The following RTCB variants were observed in gnomAD, a reference collection of about 807,000 sequenced individuals.
RTCB encodes the protein RNA 2',3'-cyclic phosphate and 5'-OH ligase, also known as RNA-splicing ligase RTCB.
A neutral mutation model predicts 58.2 loss-of-function variants in RTCB; 32 were observed. The observed-to-expected ratio is 0.55, with a 90% CI of 0.41 to 0.74. The LOEUF (loss-of-function observed/expected upper bound fraction) is 0.74, where lower values mean the gene tolerates loss of function less well. RTCB is among the 30% of genes least tolerant of loss of function. The probability of loss-of-function intolerance (pLI) is 0.00; values close to 1 mark genes in which losing one functional copy is unlikely to be tolerated. For missense variants in RTCB, 523 were observed against 639.0 expected (o/e 0.82, Z 1.96); for synonymous variants, 247 against 218.6 (o/e 1.13, Z -1.15).
At chr22:32,408,002 A>G in intron 3 of RTCB, 173 bp downstream of exon 3, 1 of 612,632 alleles carries the variant, frequency 1.6e-6, no homozygotes, top group Non-Finnish European at 2.9e-6. Context: ...CAATCCTTCC[A>G]TCTTGGTCTC....
At chr22:32,389,156 G>A (rs1379972709) in intron 11 of RTCB, among the ~76,000 whole-genome samples, 3 of 152,096 alleles carry the variant, frequency 2.0e-5, no homozygotes, top group Non-Finnish European at 2.9e-5. Flanking sequence ...ATCTGTGGGA[G>A]CCTGAATCAC....
intron 2 of RTCB, among the ~76,000 whole-genome samples, 178 bp from the exon 3 acceptor site, chr22:32,408,420 A>C (rs1055685671): frequency 3.3e-5 from 5 of 152,224 alleles, no homozygotes; most frequent in Admixed American, 1.3e-4. Context: ...AGTCACTGTA[A>C]GTATTGCATG....
At chr22:32,409,279 G>C (rs1364666634) in intron 1 of RTCB, among the ~76,000 whole-genome samples, 1 of 151,822 alleles carries the variant, frequency 6.6e-6, no homozygotes, top group Non-Finnish European at 1.5e-5. Flanking sequence ...TGTTTATTCT[G>C]TGTTTAAGCC....
chr22:32,388,191 C>T (rs1430039727), intron 11 of RTCB, 92 bp from the exon 12 acceptor site: 8 of 743,720 alleles, frequency 1.1e-5, no homozygotes, highest in Non-Finnish European at 1.8e-5. Context: ...TAAATGCACA[C>T]TAAAATAATA....
Position 32,406,761 on chromosome 22 carries a change from G to T in RTCB, c.241C>A (p.Arg81=), listed in dbSNP as rs748868456. Residue 81 remains arginine, a splice_region_variant and synonymous_variant, in exon 4 of 12, where the codon CGA becomes AGA. Transcript: ENST00000216038. ...TGGACATCAGGAAGCCCAATAGATC[G>T]CTGAAAAAGAATTAGAAAATGAAAT... is the stretch of plus-strand genomic sequence containing the variant. ...NVAALPGIVH[R]SIGLPDVHSG... is the part of the protein sequence containing the mutation. 1.9e-6 allele frequency: 3 copies of T among 1,604,330 alleles called. No homozygotes were observed. The highest frequency in any genetic ancestry group is 2.2e-5 in the South Asian group (2 of 90,894).
At position 32,395,112 on chromosome 22, in the gene RTCB, C is replaced by T. The variant is rs904446288; in HGVS notation, c.1093G>A (p.Gly365Arg). The T allele has an allele frequency of 6.2e-6, 10 of 1,614,040 alleles. No homozygotes were observed. In the African/African-American group the frequency reaches 6.7e-5, roughly 11 times the overall value. The change falls in exon 9 of 12, where the codon GGA becomes AGA. Residue 365 changes from glycine to arginine, a missense_variant. Coordinates refer to ENST00000216038, the MANE Select transcript of RTCB (RefSeq NM_014306.5). ...TGTACTAACAGTGTCCGTTCCTTTC[C>T]GTCCACCACATGCTGCTCCACTTTG... The part of the protein sequence containing the change: ...IAKVEQHVVD[G>R]KERTLLVHRK...
intron 9 of RTCB, among the ~76,000 whole-genome samples, chr22:32,394,314 T>C (rs1933206126): frequency 6.6e-6 from 1 of 152,072 alleles, no homozygotes; most frequent in African/African-American, 2.4e-5. Context: ...AGTTTCACCA[T>C]GTTAGCCAGG....
At chr22:32,411,773 T>G (rs1031772050) in intron 1 of RTCB, among the ~76,000 whole-genome samples, 1 of 152,310 alleles carries the variant, frequency 6.6e-6, no homozygotes, top group African/African-American at 2.4e-5. Flanking sequence ...GATACGTTTA[T>G]GAGACTGATC....
In RTCB at chr22:32,399,692, C is replaced by T. The variant is rs1413915231; in HGVS notation, c.565G>A (p.Asp189Asn). ...CCGTACTCCTCGCAGTGCTCCTTGT[C>T]TTCAGCCCAGGCATACCCTTCTCTT... ...SLREGYAWAEDKEHCEEYGRM... is the reference protein window; with the variant it reads ...SLREGYAWAENKEHCEEYGRM... Residue 189 changes from aspartate to asparagine, a missense_variant, in exon 6 of 12, where the codon GAC (aspartate) becomes AAC (asparagine). Coordinates refer to ENST00000216038, the MANE Select transcript of RTCB (RefSeq NM_014306.5). 1.2e-6 allele frequency: 2 copies of T among 1,614,110 alleles called. No homozygotes were observed. The highest frequency in any genetic ancestry group is 1.7e-6 in the Non-Finnish European group (2 of 1,180,000).
At chr22:32,406,057 T>C (rs1290939534) in intron 4 of RTCB, among the ~76,000 whole-genome samples, 5 of 152,182 alleles carry the variant, frequency 3.3e-5, no homozygotes, top group Non-Finnish European at 4.4e-5. Flanking sequence ...TTAGACGTGA[T>C]CTGTCCACGA....
intron 9 of RTCB, 30 bp downstream of exon 9, chr22:32,394,996 G>T: frequency 6.3e-7 from 1 of 1,578,770 alleles, no homozygotes; most frequent in South Asian, 1.1e-5. Context: ...TGCCCCCACT[G>T]CTTAAAACTA....
chr22:32,399,222 A>T (rs189293871), intron 6 of RTCB, among the ~76,000 whole-genome samples: 2 of 152,042 alleles, frequency 1.3e-5, no homozygotes, highest in African/African-American at 2.4e-5. Flanking sequence ...CTGCAGCCTC[A>T]AACTCCTAGG....
At chr22:32,392,454 A>G (rs897353685) in intron 10 of RTCB, 95 bp from the exon 11 acceptor site, 2 of 1,502,164 alleles carry the variant, frequency 1.3e-6, no homozygotes, top group African/African-American at 1.4e-5. Context: ...TTAAAAAAAC[A>G]TCTTTTTTAC....
chr22:32,398,970 A>T (rs1232618115), intron 6 of RTCB, among the ~76,000 whole-genome samples: 1 of 152,200 alleles, frequency 6.6e-6, no homozygotes, highest in Admixed American at 6.5e-5. Context: ...GTCACACTGA[A>T]TTAGTGGCAA....
rs148090471 is a variant in RTCB, at chr22:32,406,803, G to C, written c.241-42C>G. 640 of 1,399,176 alleles carry C rather than the reference G, an allele frequency of 4.6e-4. 1 individual carries two copies. Among genetic ancestry groups the C allele is most frequent in the Non-Finnish European group, 6.2e-4 (610 of 990,212 alleles). The allele number at this position is 1,399,176 out of a possible 1,614,324, so 86.7% of individuals were successfully genotyped here. ...AAATGAAATACAAGTGTCTTGACCT[G>C]CTACCCTGGATGCCCTGATGGACCT... On this transcript the variant is annotated intron_variant, in intron 3 of 11. Coordinates refer to ENST00000216038, the MANE Select transcript of RTCB (RefSeq NM_014306.5).
At chr22:32,389,209 T>A (rs1933110540) in intron 11 of RTCB, among the ~76,000 whole-genome samples, 1 of 152,214 alleles carries the variant, frequency 6.6e-6, no homozygotes, top group Non-Finnish European at 1.5e-5. Context: ...GGCAATCAGA[T>A]GAAATTCCAC....
chr22:32,408,675 T>C (rs538511106), intron 2 of RTCB, 80 bp downstream of exon 2: 11 of 1,001,286 alleles, frequency 1.1e-5, no homozygotes, highest in African/African-American at 9.6e-5. Flanking sequence ...TTCAGAATTA[T>C]AATTATTTGA....
intron 6 of RTCB, among the ~76,000 whole-genome samples, chr22:32,398,325 G>A (rs755317937): frequency 8.6e-5 from 13 of 151,960 alleles, no homozygotes; most frequent in Non-Finnish European, 1.5e-4. Context: ...TATATGCTTG[G>A]TATACACATA....
chr22:32,391,473 G>A (rs1386596141), intron 11 of RTCB, among the ~76,000 whole-genome samples: 15 of 148,306 alleles, frequency 1.0e-4, no homozygotes, highest in Non-Finnish European at 2.2e-4. Context: ...TTGGCTCACT[G>A]CAACCTCTGC....
Sources: allele counts gnomAD v4.1 joint callset (sites outside exome capture counted in the v4.1 genomes callset), GRCh38; gene constraint gnomAD v4.1.1; transcripts MANE v1.5; gene names NCBI Gene and HGNC (gene_info 2026-07-23, HGNC 2026-07-21).